The following ABCA5 variants were observed in gnomAD, a reference collection of about 807,000 sequenced individuals.
ABCA5 encodes the protein ATP binding cassette subfamily A member 5, also known as cholesterol transporter ABCA5.
ABCA5 carries 163 observed loss-of-function variants against 206.0 expected under a neutral mutation model. The observed-to-expected ratio is 0.79, with a 90% confidence interval of 0.70 to 0.90. ABCA5 has a LOEUF of 0.90. Ranked by LOEUF, ABCA5 falls within the 40% of genes least tolerant of loss-of-function variation. ABCA5 has a pLI of 0.00. For synonymous variants in ABCA5, 609 were observed against 613.8 expected (o/e 0.99, Z 0.11); for missense variants, 1,859 against 1,912.9 (o/e 0.97, Z 0.53).
chr17:69,319,736 T>G (rs532933153), intron 1 of ABCA5, among the ~76,000 whole-genome samples: 124 of 152,380 alleles, frequency 8.1e-4, no homozygotes, highest in African/African-American at 2.9e-3. Context: ...CCTTGGAGTA[T>G]GTGAAATGTC....
intron 22 of ABCA5, among the ~76,000 whole-genome samples, chr17:69,270,106 A>C (rs1330739095): frequency 6.6e-6 from 1 of 152,142 alleles, no homozygotes; most frequent in Non-Finnish European, 1.5e-5. Flanking sequence ...GCTGTTTTTA[A>C]AAGTATGAAA....
Position 69,261,182 on chromosome 17 carries a change from G to A in ABCA5, c.3507C>T (p.Ala1169=), listed in dbSNP as rs2075142761. ...GYTIATILHY[A]FCIIIPIYPL... The stretch of plus-strand genomic sequence containing the variant: ...GATAGATTGGAATGATGATACAAAA[G>A]GCATAATGAAGAATAGTTGCAATTG... Residue 1169 remains alanine, a synonymous_variant, in exon 26 of 39, where the codon GCC becomes GCT. Coordinates refer to ENST00000392676, the MANE Select transcript of ABCA5 (RefSeq NM_172232.4). 1 of 1,606,886 alleles carries A rather than the reference G, an allele frequency of 6.2e-7. No homozygotes were observed. The highest frequency in any genetic ancestry group is 1.7e-5 in the Admixed American group (1 of 59,514).
chr17:69,309,443 T>C lies in ABCA5; in HGVS notation c.308-20A>G. 6.8e-7 allele frequency: 1 copy of C among 1,469,584 alleles called. No individual in the cohort carries two copies. The highest frequency in any genetic ancestry group is 1.3e-5 in the South Asian group (1 of 74,552). The allele number at this position is 1,469,584 out of a possible 1,614,324, so 91.0% of individuals were successfully genotyped here. ...TTATGACTGTAAGATATCATAACAA[T>C]ATAGTTAGCTCACAAATTAAAATAC... On this transcript the variant is annotated intron_variant, in intron 3 of 38. Transcript: ENST00000392676.
At chr17:69,291,156 A>T (rs1040009510) in intron 12 of ABCA5, 60 bp downstream of exon 12, 61 of 1,112,950 alleles carry the variant, frequency 5.5e-5, no homozygotes, top group Non-Finnish European at 7.2e-5. Flanking sequence ...AAAATTATTC[A>T]ATACACATTT....
At position 69,250,518 on chromosome 17, in the gene ABCA5, G is replaced by T; in HGVS notation, c.4639C>A (p.Gln1547Lys). 1 of 1,603,154 alleles carries T rather than the reference G, an allele frequency of 6.2e-7. No individual in the cohort carries two copies. The highest frequency in any genetic ancestry group is 8.5e-7 in the Non-Finnish European group (1 of 1,176,414). The stretch of plus-strand genomic sequence containing the variant: ...GGGAAAATATACTGAATTTCTCTTT[G>T]AAGGCGGTCTACTTCTAGGTTTTCT... ...WIENLEVDRL[Q>K]REIQYIFPNA... Residue 1547 changes from glutamine (Q) to lysine (K), a missense_variant, in exon 36 of 39, where the codon CAA (glutamine) becomes AAA (lysine). Physicochemically the swap from Gln to Lys is moderately conservative, Grantham distance 53. Coordinates refer to ENST00000392676, the MANE Select transcript of ABCA5 (RefSeq NM_172232.4).
At chr17:69,277,385 A>T (rs976472877) in intron 19 of ABCA5, among the ~76,000 whole-genome samples, 1 of 152,204 alleles carries the variant, frequency 6.6e-6, no homozygotes, top group African/African-American at 2.4e-5. Context: ...TAATTAAAAA[A>T]TTATACAATT....
In ABCA5 at chr17:69,316,592, TAAA is replaced by T. The variant is rs34101085; in HGVS notation, c.-15-2165_-15-2163del. On this transcript the variant is annotated intron_variant, in intron 1 of 38. Coordinates refer to ENST00000392676, the MANE Select transcript of ABCA5 (RefSeq NM_172232.4). ...AGGAGAGGAGAAAGAGTATTAATGC[TAAA>T]AAAAAAAAAAAAAAATTAAAGACTT... Among the ~76,000 whole-genome samples the T allele has an allele frequency of 6.4e-3, 853 of 132,720 alleles. 16 individuals are homozygous for T. Among genetic ancestry groups the T allele is most frequent in the African/African-American group, 0.021 (758 of 35,486 alleles). 87.1% of individuals were successfully genotyped at this position (132,720 alleles called of 152,430 possible).
intron 17 of ABCA5, among the ~76,000 whole-genome samples, chr17:69,284,368 G>A (rs2075428519): frequency 6.6e-6 from 1 of 151,484 alleles, no homozygotes; most frequent in East Asian, 1.9e-4. Flanking sequence ...TATAAATTAA[G>A]GACCTCAAAG....
At chr17:69,313,386 A>G (rs1452797106) in intron 2 of ABCA5, 90 bp from the exon 3 acceptor site, 2 of 576,286 alleles carry the variant, frequency 3.5e-6, no homozygotes, top group Non-Finnish European at 5.5e-6. Context: ...ATACTAAGAA[A>G]AAACAGGAAA....
At chr17:69,271,360 A>C (rs925373975) in intron 20 of ABCA5, 71 bp from the exon 21 acceptor site, 22 of 1,424,372 alleles carry the variant, frequency 1.5e-5, no homozygotes, top group African/African-American at 2.9e-5. Flanking sequence ...TGGGAAGATA[A>C]TTCTATTTTT....
At chr17:69,287,492 G>C (rs2075470483) in intron 15 of ABCA5, 121 bp downstream of exon 15, 10 of 1,317,550 alleles carry the variant, frequency 7.6e-6, no homozygotes, top group Non-Finnish European at 1.0e-5. Context: ...AACTTTTTTT[G>C]TGAAGGAAAC....
At chr17:69,292,065 T>C (rs868067556) in intron 11 of ABCA5, among the ~76,000 whole-genome samples, 1 of 152,152 alleles carries the variant, frequency 6.6e-6, no homozygotes, top group Non-Finnish European at 1.5e-5. Flanking sequence ...GCCAAGACTG[T>C]GCCACTGTCC....
chr17:69,279,885 A>G (rs1246482271), intron 18 of ABCA5, among the ~76,000 whole-genome samples: 4 of 152,250 alleles, frequency 2.6e-5, no homozygotes, highest in African/African-American at 9.6e-5. Context: ...AATCAATTCA[A>G]GATGGATTAA....
intron 37 of ABCA5, chr17:69,248,887 G>C (rs762123105): frequency 1.3e-5 from 2 of 151,980 alleles, no homozygotes; most frequent in Non-Finnish European, 2.9e-5. Context: ...CACTATACCC[G>C]GGTAATTTTA....
At chr17:69,273,787 A>G (rs1413796081) in intron 20 of ABCA5, among the ~76,000 whole-genome samples, 172 bp downstream of exon 20, 3 of 152,072 alleles carry the variant, frequency 2.0e-5, no homozygotes, top group African/African-American at 7.2e-5. Flanking sequence ...ACCAAAATTT[A>G]CTGTAATATA....
chr17:69,309,473 A>G (rs1054796932), intron 3 of ABCA5, 50 bp from the exon 4 acceptor site: 2 of 1,211,234 alleles, frequency 1.7e-6, no homozygotes, highest in African/African-American at 3.1e-5. Context: ...AAATACCACA[A>G]TACAGTAGAT....
rs900096932 is a variant in ABCA5, at chr17:69,325,862, A to T, written c.-16+1190T>A. 7 of 151,808 alleles carry T rather than the reference A, an allele frequency of 4.6e-5. No homozygotes were observed. The East Asian group carries it at 1.2e-3, about 25-fold the overall frequency. 9.4% of individuals were successfully genotyped at this position (151,808 alleles called of 1,614,324 possible). A position where few individuals can be genotyped will look rare whatever the true frequency, so the allele number is the denominator to read the frequency against. The stretch of plus-strand genomic sequence containing the variant: ...GCAATACACATGGAATGTACTAATA[A>T]ATTTGCTCTTATAGTGAATGTAAGA... On this transcript the variant is annotated intron_variant, in intron 1 of 38. Transcript: ENST00000392676.
chr17:69,276,706 T>A (rs758940532), intron 19 of ABCA5, among the ~76,000 whole-genome samples: 3 of 152,140 alleles, frequency 2.0e-5, no homozygotes, highest in Non-Finnish European at 4.4e-5. Flanking sequence ...AACGTAGTGA[T>A]AGGTTGATGA....
intron 24 of ABCA5, among the ~76,000 whole-genome samples, chr17:69,262,482 A>G (rs1198922582): frequency 6.6e-6 from 1 of 152,098 alleles, no homozygotes; most frequent in African/African-American, 2.4e-5. Flanking sequence ...GGAACATGCA[A>G]TAGTTGGTTT....
Sources: gnomAD v4.1 joint callset for allele counts (sites outside exome capture counted in the v4.1 genomes callset) on GRCh38, gnomAD v4.1.1 for gene constraint, MANE v1.5 for transcripts, NCBI Gene and HGNC (gene_info 2026-07-23, HGNC 2026-07-21) for gene names.